Variants in RSRC1 observed in about 807,000 individuals in gnomAD.
RSRC1 encodes the protein arginine and serine rich coiled-coil 1, also known as serine/Arginine-related protein 53.
In RSRC1, 39 loss-of-function variants were observed where a neutral mutation model predicts 49.1. That is an observed-to-expected ratio of 0.79 (90% CI 0.61 to 1.04). The LOEUF (loss-of-function observed/expected upper bound fraction) is 1.04, where lower values mean the gene tolerates loss of function less well. Among genes scored for constraint, RSRC1 ranks in the 50% least tolerant of loss-of-function variants. The pLI, the probability that RSRC1 is intolerant of heterozygous loss-of-function variation, is 0.00. For missense variants in RSRC1, 388 were observed against 402.4 expected, an observed-to-expected ratio of 0.96 and a Z score of 0.31; for synonymous variants, 143 against 130.8, an observed-to-expected ratio of 1.09 and a Z score of -0.63.
At chr3:158,252,516 C>G (rs1407103183) in intron 4 of RSRC1, among the ~76,000 whole-genome samples, 2 of 152,168 alleles carry the variant, frequency 1.3e-5, no homozygotes, top group African/African-American at 4.8e-5. Context: ...AGGATTTTTG[C>G]ATCAATGTTC....
chr3:158,240,428 ATAT>A (rs1344420812), intron 4 of RSRC1, among the ~76,000 whole-genome samples: 1 of 152,150 alleles, frequency 6.6e-6, no homozygotes, highest in Non-Finnish European at 1.5e-5. Flanking sequence ...GGGGTAAATA[ATAT>A]TAATAGATTT....
chr3:158,195,439 T>G (rs1357149319), intron 3 of RSRC1, among the ~76,000 whole-genome samples: 13 of 151,882 alleles, frequency 8.6e-5, no homozygotes, highest in African/African-American at 2.4e-4. Flanking sequence ...TTTCTCCCAT[T>G]CTGTAGGTTG....
At chr3:158,288,425 G>T (rs974879592) in intron 4 of RSRC1, among the ~76,000 whole-genome samples, 1 of 152,170 alleles carries the variant, frequency 6.6e-6, no homozygotes, top group African/African-American at 2.4e-5. Flanking sequence ...CAAACAACTG[G>T]CCATGACTCC....
At chr3:158,167,175 TTC>T (rs938645477) in intron 3 of RSRC1, among the ~76,000 whole-genome samples, 1 of 152,046 alleles carries the variant, frequency 6.6e-6, no homozygotes, top group African/African-American at 2.4e-5. Flanking sequence ...GTATATTTTC[TTC>T]TCTCTCTCTT....
At chr3:158,445,231 A>T (rs1006412542) in intron 6 of RSRC1, among the ~76,000 whole-genome samples, 1 of 152,174 alleles carries the variant, frequency 6.6e-6, no homozygotes, top group African/African-American at 2.4e-5. Flanking sequence ...ACTATTCACA[A>T]TAGCAAAGAC....
intron 5 of RSRC1, among the ~76,000 whole-genome samples, chr3:158,324,556 A>C (rs1728961967): frequency 6.6e-6 from 1 of 152,194 alleles, no homozygotes; most frequent in Non-Finnish European, 1.5e-5. Context: ...TACAAAGGAC[A>C]TGAACTCTTC....
At chr3:158,285,784 T>G (rs911377188) in intron 4 of RSRC1, among the ~76,000 whole-genome samples, 7 of 152,278 alleles carry the variant, frequency 4.6e-5, no homozygotes, top group South Asian at 2.1e-4. Flanking sequence ...AGCTTAAGGA[T>G]ATTTTGGGCT....
chr3:158,285,733 CA>C, intron 4 of RSRC1, among the ~76,000 whole-genome samples: 1 of 152,120 alleles, frequency 6.6e-6, no homozygotes, highest in African/African-American at 2.4e-5. Flanking sequence ...GATTTTTGTA[CA>C]TTGATTTTGT....
At chr3:158,132,106 C>T in intron 3 of RSRC1, 1 of 443,094 alleles carries the variant, frequency 2.3e-6, no homozygotes, top group South Asian at 1.6e-5. Flanking sequence ...ACCTCAACCT[C>T]CTGGGTAGCT....
chr3:158,499,958 T>G (rs1390150354), intron 7 of RSRC1, among the ~76,000 whole-genome samples: 1 of 152,152 alleles, frequency 6.6e-6, no homozygotes. Flanking sequence ...TCAGAGGGAA[T>G]GCTTTCAACT....
chr3:158,282,543 A>G (rs1310964546), intron 4 of RSRC1, among the ~76,000 whole-genome samples: 1 of 152,254 alleles, frequency 6.6e-6, no homozygotes, highest in African/African-American at 2.4e-5. Flanking sequence ...TGCTAAATGC[A>G]GTATGCTGAG....
chr3:158,186,665 C>G (rs1719947742), intron 3 of RSRC1, among the ~76,000 whole-genome samples: 1 of 151,910 alleles, frequency 6.6e-6, no homozygotes, highest in African/African-American at 2.4e-5. Flanking sequence ...ATGGGCTTAT[C>G]TGGATCTAAG....
intron 7 of RSRC1, among the ~76,000 whole-genome samples, chr3:158,530,648 C>G (rs1481709767): frequency 1.3e-5 from 2 of 151,542 alleles, no homozygotes; most frequent in African/African-American, 2.4e-5. Context: ...ATCTCTCAAC[C>G]ACCCTATGAT....
intron 6 of RSRC1, among the ~76,000 whole-genome samples, chr3:158,393,136 C>CA (rs1206609447): frequency 6.6e-6 from 1 of 152,040 alleles, no homozygotes; most frequent in Admixed American, 6.6e-5. Context: ...AAAAGTACAA[C>CA]ATAACAGAAT....
At chr3:158,334,725 T>C (rs2108202646) in intron 5 of RSRC1, among the ~76,000 whole-genome samples, 1 of 151,396 alleles carries the variant, frequency 6.6e-6, no homozygotes, top group South Asian at 2.1e-4. Flanking sequence ...TTCACCATGT[T>C]GTCCAGGATG....
intron 6 of RSRC1, among the ~76,000 whole-genome samples, chr3:158,379,229 C>G: frequency 8.3e-6 from 1 of 120,764 alleles, no homozygotes; most frequent in Non-Finnish European, 1.6e-5. Flanking sequence ...GAGACCGAGT[C>G]TCGCTCTGTC....
intron 5 of RSRC1, among the ~76,000 whole-genome samples, chr3:158,327,852 A>G (rs1178821135): frequency 6.6e-6 from 1 of 152,018 alleles, no homozygotes; most frequent in Admixed American, 6.6e-5. Context: ...TCCCATTATT[A>G]TTGTGTGGGA....
chr3:158,262,194 T>G (rs827112), intron 4 of RSRC1, among the ~76,000 whole-genome samples: 2 of 151,942 alleles, frequency 1.3e-5, no homozygotes, highest in African/African-American at 4.8e-5. Flanking sequence ...GATCTAAGAT[T>G]TCTTTGCCTA....
At chr3:158,217,677 G>T (rs1290345289) in intron 4 of RSRC1, among the ~76,000 whole-genome samples, 3 of 150,738 alleles carry the variant, frequency 2.0e-5, no homozygotes, top group African/African-American at 7.3e-5. Flanking sequence ...CCAGGCACTG[G>T]GTTGTGTCTT....
Sources: allele counts gnomAD v4.1 joint callset (sites outside exome capture counted in the v4.1 genomes callset), GRCh38; gene constraint gnomAD v4.1.1; transcripts MANE v1.5; gene names NCBI Gene and HGNC (gene_info 2026-07-23, HGNC 2026-07-21).